ODR4: variants seen among roughly 807,000 people sequenced by gnomAD.
ODR4 encodes the protein odr-4 GPCR localization factor homolog, also known as protein odr-4 homolog.
A neutral mutation model predicts 60.2 loss-of-function variants in ODR4; 47 were observed. The ratio of observed to expected loss-of-function variants is 0.78; its 90% CI spans 0.62 to 1.00. The LOEUF (loss-of-function observed/expected upper bound fraction) is 1.00, where lower values mean the gene tolerates loss of function less well. ODR4 is among the 50% of genes least tolerant of loss of function. The pLI is 0.00. For missense variants in ODR4, 488 were observed against 530.8 expected, an observed-to-expected ratio of 0.92 and a Z score of 0.79; for synonymous variants, 178 against 175.5, an observed-to-expected ratio of 1.01 and a Z score of -0.11.
intron 2 of ODR4, among the ~76,000 whole-genome samples, chr1:186,380,666 G>T (rs1659989768): frequency 1.3e-5 from 2 of 150,476 alleles, no homozygotes; most frequent in Admixed American, 6.6e-5. Context: ...ACTTGATTTT[G>T]AGGCCTACTA....
Position 186,402,980 on chromosome 1 carries a change from T to C in ODR4, c.1001-3103T>C, listed in dbSNP as rs138608422. On this transcript the variant is annotated intron_variant, in intron 11 of 13. Transcript: ENST00000287859. ...TGTAAGGCCCCTAATAAAATTGGTGTAAGCCAAGCCCTCATCAAGTGGTAT... is the reference window on the plus strand; with the variant it reads ...TGTAAGGCCCCTAATAAAATTGGTGCAAGCCAAGCCCTCATCAAGTGGTAT... 5.9e-5 allele frequency among the ~76,000 whole-genome samples: 9 copies of C among 152,326 alleles called. No individual in the cohort carries two copies. The East Asian group carries it at 1.7e-3, about 29-fold the overall frequency.
intron 12 of ODR4, among the ~76,000 whole-genome samples, chr1:186,417,073 C>T (rs1441104409): frequency 1.3e-5 from 2 of 151,948 alleles, no homozygotes; most frequent in Non-Finnish European, 2.9e-5. Flanking sequence ...AGCAGTTCTC[C>T]TGCCTCAGCC....
intron 1 of ODR4, among the ~76,000 whole-genome samples, chr1:186,376,398 C>T (rs1659767436): frequency 6.6e-6 from 1 of 152,158 alleles, no homozygotes; most frequent in South Asian, 2.1e-4. Flanking sequence ...AGTTTTAAAG[C>T]TCAATCCGTA....
chr1:186,386,512 C>T (rs1343971595), intron 4 of ODR4, among the ~76,000 whole-genome samples: 1 of 151,904 alleles, frequency 6.6e-6, no homozygotes, highest in Non-Finnish European at 1.5e-5. Context: ...TTGAAAAATT[C>T]AAATGATTAA....
At chr1:186,387,760 G>A (rs889467292) in intron 4 of ODR4, among the ~76,000 whole-genome samples, 2 of 152,126 alleles carry the variant, frequency 1.3e-5, no homozygotes, top group Non-Finnish European at 2.9e-5. Flanking sequence ...TTACAGATTA[G>A]ATTTCTCTCT....
At chr1:186,423,603 C>T (rs1192617142), downstream of ODR4, among the ~76,000 whole-genome samples, 2 of 151,550 alleles carry the variant, frequency 1.3e-5, no homozygotes, top group East Asian at 1.9e-4. Flanking sequence ...TACAGGTGCC[C>T]ACCACCACGC....
the ODR4 span, among the ~76,000 whole-genome samples, chr1:186,433,550 AATT>A: frequency 1.3e-5 from 2 of 151,976 alleles, no homozygotes; most frequent in Non-Finnish European, 2.9e-5. Flanking sequence ...CTACTTTACT[AATT>A]ATTAGTTACA....
chr1:186,424,559 TAAC>T (rs987787230), downstream of ODR4, among the ~76,000 whole-genome samples: 2 of 152,104 alleles, frequency 1.3e-5, no homozygotes, highest in African/African-American at 2.4e-5. Flanking sequence ...TAGCTTAAAA[TAAC>T]AACCATTTCA....
At chr1:186,423,160 G>C (rs919539970), downstream of ODR4, among the ~76,000 whole-genome samples, 2 of 152,114 alleles carry the variant, frequency 1.3e-5, no homozygotes. Flanking sequence ...ACCTGGCACA[G>C]GTCTTTCAAG....
chr1:186,411,732 ATATTAAAAC>A, intron 12 of ODR4: 1 of 249,066 alleles, frequency 4.0e-6, no homozygotes, highest in Non-Finnish European at 6.4e-6. Flanking sequence ...TAAACTTTTA[ATATTAAAAC>A]TTAGTTATAT....
chr1:186,433,232 ATTTGT>A, the ODR4 span, among the ~76,000 whole-genome samples: 2 of 151,944 alleles, frequency 1.3e-5, no homozygotes, highest in African/African-American at 4.8e-5. Flanking sequence ...AACTCAGGCC[ATTTGT>A]TTTAAGTCTT....
downstream of ODR4, among the ~76,000 whole-genome samples, chr1:186,423,245 G>A (rs932072897): frequency 1.3e-5 from 2 of 152,072 alleles, no homozygotes; most frequent in Non-Finnish European, 2.9e-5. Flanking sequence ...AGCATATTGT[G>A]TGAGGTTGAT....
chr1:186,378,587 G>A (rs1180079677), intron 1 of ODR4, among the ~76,000 whole-genome samples: 1 of 152,186 alleles, frequency 6.6e-6, no homozygotes, highest in Non-Finnish European at 1.5e-5. Flanking sequence ...GCTACCCGTA[G>A]TAATGATTTA....
At chr1:186,389,764 A>G (rs1660389781) in intron 6 of ODR4, 140 bp downstream of exon 6, 1 of 609,374 alleles carries the variant, frequency 1.6e-6, no homozygotes, top group Non-Finnish European at 2.7e-6. Context: ...TTATTTTGAA[A>G]TATGATTAAT....
At chr1:186,387,211 C>T (rs1485292540) in intron 4 of ODR4, among the ~76,000 whole-genome samples, 1 of 152,146 alleles carries the variant, frequency 6.6e-6, no homozygotes, top group Non-Finnish European at 1.5e-5. Flanking sequence ...TTGATATTTG[C>T]ACCTAAGGGA....
chr1:186,393,819 G>C, intron 8 of ODR4, 128 bp from the exon 9 acceptor site: 1 of 619,348 alleles, frequency 1.6e-6, no homozygotes, highest in Admixed American at 3.3e-5. Flanking sequence ...TATATAAAAA[G>C]CTAAATTAAA....
chr1:186,421,894 C>T (rs556145858), downstream of ODR4, among the ~76,000 whole-genome samples: 38 of 146,026 alleles, frequency 2.6e-4, no homozygotes, highest in African/African-American at 9.3e-4. Flanking sequence ...TGAATCATTC[C>T]AAAGGAAAAG....
At chr1:186,379,179 C>T (rs577399732) in intron 1 of ODR4, among the ~76,000 whole-genome samples, 2 of 152,230 alleles carry the variant, frequency 1.3e-5, no homozygotes, top group East Asian at 1.9e-4. Context: ...CATGGTGGCT[C>T]ACGCCTGTAA....
At chr1:186,385,962 A>G (rs1465808370) in intron 3 of ODR4, 26 bp from the exon 4 acceptor site, 1 of 1,416,230 alleles carries the variant, frequency 7.1e-7, no homozygotes, top group Non-Finnish European at 9.9e-7. Flanking sequence ...CCAATTTGTT[A>G]GCTAATAATA....
Sources: allele counts gnomAD v4.1 joint callset (sites outside exome capture counted in the v4.1 genomes callset), GRCh38; gene constraint gnomAD v4.1.1; transcripts MANE v1.5; gene names NCBI Gene and HGNC (gene_info 2026-07-23, HGNC 2026-07-21).